The following PGBD2 variants were observed in gnomAD, a reference collection of about 807,000 sequenced individuals.
PGBD2 encodes the protein piggyBac transposable element-derived protein 2.
PGBD2 carries 6 observed loss-of-function variants against 8.1 expected under a neutral mutation model. The observed-to-expected ratio is 0.74, with a 90% CI of 0.40 to 1.46. PGBD2 has a LOEUF of 1.46. PGBD2 is among the 40% of genes most tolerant of loss of function. PGBD2 has a pLI of 0.02. For missense variants in PGBD2, 802 were observed against 739.0 expected, an observed-to-expected ratio of 1.09 and a Z score of -0.99; for synonymous variants, 318 against 272.2, an observed-to-expected ratio of 1.17 and a Z score of -1.66.
the PGBD2 span, among the ~76,000 whole-genome samples, chr1:248,887,719 A>G: frequency 6.6e-6 from 1 of 152,180 alleles, no homozygotes; most frequent in Admixed American, 6.5e-5. Flanking sequence ...GTGCAGGTTT[A>G]TCATTAGGTT....
chr1:248,910,220 T>C (rs1185511105), intron 1 of PGBD2, among the ~76,000 whole-genome samples: 1 of 152,266 alleles, frequency 6.6e-6, no homozygotes, highest in Non-Finnish European at 1.5e-5. Context: ...TGGATATTTA[T>C]AGTAACAGAA....
Position 248,917,270 on chromosome 1 carries a change from A to T in PGBD2, c.686A>T (p.His229Leu). 6.2e-7 allele frequency: 1 copy of T among 1,614,148 alleles called. No individual in the cohort carries two copies. The highest frequency in any genetic ancestry group is 8.5e-7 in the Non-Finnish European group (1 of 1,180,032). ...DRFELIFSYLHFADNNELDAS... is the reference protein window; with the variant it reads ...DRFELIFSYLLFADNNELDAS... ...TTTGAACTAATCTTCTCATACTTACATTTTGCAGATAACAACGAACTTGAT... is the reference window on the plus strand; with the variant it reads ...TTTGAACTAATCTTCTCATACTTACTTTTTGCAGATAACAACGAACTTGAT... Residue 229 changes from histidine to leucine, a missense_variant, in exon 3 of 3, where the codon CAT becomes CTT. Transcript: ENST00000329291.
chr1:248,918,627 A>G lies in PGBD2; in HGVS notation c.*264A>G, dbSNP rs910902538. The G allele has an allele frequency of 5.3e-6, 1 of 188,232 alleles. No homozygotes were observed. Among genetic ancestry groups the G allele is most frequent in the African/African-American group, 2.4e-5 (1 of 42,216 alleles). 11.7% of individuals were successfully genotyped at this position (188,232 alleles called of 1,614,324 possible). A position where few individuals can be genotyped will look rare whatever the true frequency, so the allele number is the denominator to read the frequency against. On this transcript the variant is annotated 3_prime_UTR_variant, in exon 3 of 3. Coordinates refer to ENST00000329291, the MANE Select transcript of PGBD2 (RefSeq NM_170725.3). ...GTTATGGATCACTTTTTATTCAAAT[A>G]AAAGTTGTGCTTTGGGGTATATTTG...
chr1:248,890,297 T>G, the PGBD2 span, among the ~76,000 whole-genome samples: 1 of 152,152 alleles, frequency 6.6e-6, no homozygotes, highest in African/African-American at 2.4e-5. Context: ...CCCCACAGGT[T>G]TGTTTTCTGA....
chr1:248,918,110 C>T lies in PGBD2; in HGVS notation c.1526C>T (p.Ala509Val). ...WQLHRICCQDAQVDLLAFRRY... is the reference protein window; with the variant it reads ...WQLHRICCQDVQVDLLAFRRY... ...CTGCATAGAATCTGCTGCCAAGATG[C>T]CCAGGTGGACCTCCTTGCCTTCCGG... Residue 509 changes from alanine (A) to valine (V), a missense_variant, in exon 3 of 3, where the codon GCC (alanine) becomes GTC (valine). Physicochemically the swap from Ala to Val is moderately conservative, Grantham distance 64. Transcript: ENST00000329291. 6.2e-7 allele frequency: 1 copy of T among 1,614,206 alleles called. No individual in the cohort carries two copies. The highest frequency in any genetic ancestry group is 8.5e-7 in the Non-Finnish European group (1 of 1,180,040).
upstream of PGBD2, among the ~76,000 whole-genome samples, chr1:248,905,527 A>T (rs920632273): frequency 6.6e-6 from 1 of 152,114 alleles, no homozygotes; most frequent in East Asian, 1.9e-4. Context: ...GTTGCTAGGG[A>T]TGCTCAATAT....
At chr1:248,907,251 C>G (rs545617986) in intron 1 of PGBD2, among the ~76,000 whole-genome samples, 3 of 152,256 alleles carry the variant, frequency 2.0e-5, no homozygotes, top group Admixed American at 6.5e-5. Context: ...TTATGTTTCT[C>G]TCTGCCCAAA....
chr1:248,873,158 C>T, the PGBD2 span, among the ~76,000 whole-genome samples: 2 of 151,698 alleles, frequency 1.3e-5, no homozygotes, highest in African/African-American at 4.8e-5. Flanking sequence ...TCTGGGCTCA[C>T]AGGTAACCTC....
chr1:248,924,413 C>T (rs1375666485), downstream of PGBD2, among the ~76,000 whole-genome samples: 2 of 152,132 alleles, frequency 1.3e-5, no homozygotes, highest in Admixed American at 1.3e-4. Context: ...TAACTTGTAT[C>T]TACAGTAGAA....
At chr1:248,925,141 C>T in the PGBD2 span, among the ~76,000 whole-genome samples, 1 of 152,154 alleles carries the variant, frequency 6.6e-6, no homozygotes, top group Non-Finnish European at 1.5e-5. Context: ...CCACAGGGAG[C>T]ACATTCACAC....
At chr1:248,885,097 AG>A in the PGBD2 span, among the ~76,000 whole-genome samples, 1 of 152,062 alleles carries the variant, frequency 6.6e-6, no homozygotes, top group Non-Finnish European at 1.5e-5. Context: ...CTTGGCCACA[AG>A]GGGTCTCTTC....
chr1:248,903,535 G>A (rs530259761), upstream of PGBD2, among the ~76,000 whole-genome samples: 6 of 152,234 alleles, frequency 3.9e-5, no homozygotes, highest in South Asian at 1.2e-3. Context: ...ATCATACATA[G>A]TGCGTCAAAT....
At chr1:248,906,843 C>G (rs914705346) in intron 1 of PGBD2, among the ~76,000 whole-genome samples, 2 of 151,908 alleles carry the variant, frequency 1.3e-5, no homozygotes, top group African/African-American at 4.8e-5. Flanking sequence ...GCCCTTCTTT[C>G]TCTTTTGCTA....
At chr1:248,897,834 G>A in the PGBD2 span, among the ~76,000 whole-genome samples, 6 of 152,188 alleles carry the variant, frequency 3.9e-5, no homozygotes, top group East Asian at 7.7e-4. Flanking sequence ...TGAGATGACC[G>A]AGTTCCTGGG....
At chr1:248,882,176 G>A in the PGBD2 span, among the ~76,000 whole-genome samples, 27 of 152,220 alleles carry the variant, frequency 1.8e-4, no homozygotes, top group African/African-American at 5.5e-4. Flanking sequence ...GGGGGTCACC[G>A]CCTTCTGGTC....
the PGBD2 span, among the ~76,000 whole-genome samples, chr1:248,927,878 G>C: frequency 0.02 from 3,082 of 152,236 alleles, 77 homozygotes; most frequent in African/African-American, 0.056. Context: ...ATACATAGCT[G>C]TTCCAGAAAA....
At chr1:248,898,283 A>G in the PGBD2 span, among the ~76,000 whole-genome samples, 2 of 152,194 alleles carry the variant, frequency 1.3e-5, no homozygotes, top group African/African-American at 4.8e-5. Flanking sequence ...TGACTGAATG[A>G]GACCTCCCAA....
chr1:248,885,620 T>C, the PGBD2 span, among the ~76,000 whole-genome samples: 1 of 152,112 alleles, frequency 6.6e-6, no homozygotes, highest in Non-Finnish European at 1.5e-5. Flanking sequence ...CACTTAAAGA[T>C]AGTGAGGGTA....
chr1:248,894,579 G>C, the PGBD2 span, among the ~76,000 whole-genome samples: 6 of 152,064 alleles, frequency 3.9e-5, no homozygotes, highest in South Asian at 1.2e-3. Flanking sequence ...ATGTATGCAT[G>C]GGTACCTTTG....
Sources: allele counts gnomAD v4.1 joint callset (sites outside exome capture counted in the v4.1 genomes callset), GRCh38; gene constraint gnomAD v4.1.1; transcripts MANE v1.5; gene names NCBI Gene and HGNC (gene_info 2026-07-23, HGNC 2026-07-21).